The following TMEM40 variants were observed in gnomAD, a reference collection of about 807,000 sequenced individuals.
The protein encoded by TMEM40 is transmembrane protein 40.
TMEM40 carries 34 observed loss-of-function variants against 40.8 expected under a neutral mutation model. The ratio of observed to expected loss-of-function variants is 0.83; its 90% CI spans 0.63 to 1.11. The LOEUF is 1.11. Among genes scored for constraint, TMEM40 ranks in the 50% least tolerant of loss-of-function variants. The pLI is 0.00. For missense variants in TMEM40, 296 were observed against 280.2 expected (o/e 1.06, Z -0.40); for synonymous variants, 106 against 107.0 (o/e 0.99, Z 0.06).
In TMEM40 at chr3:12,736,943, A is replaced by T. The variant is rs1191335424; in HGVS notation, c.473-108T>A. On this transcript the variant is annotated intron_variant, in intron 8 of 11. Coordinates refer to ENST00000314124, the MANE Select transcript of TMEM40 (RefSeq NM_018306.4). ...ACCCAGGGTGGAGTGCAGTTGTGCGATCCCAGCTCATTGCAGCCTTGAAGT... is the reference window on the plus strand; with the variant it reads ...ACCCAGGGTGGAGTGCAGTTGTGCGTTCCCAGCTCATTGCAGCCTTGAAGT... The T allele has an allele frequency of 2.2e-6, 3 of 1,349,816 alleles. No homozygotes were observed. In the East Asian group the frequency reaches 6.9e-5, roughly 31 times the overall value. The allele number at this position is 1,349,816 out of a possible 1,614,324, so 83.6% of individuals were successfully genotyped here.
At chr3:12,737,480 C>T (rs1244541627) in intron 8 of TMEM40, 1 of 593,444 alleles carries the variant, frequency 1.7e-6, no homozygotes, top group Non-Finnish European at 3.0e-6. Flanking sequence ...ACTCCACTCA[C>T]AAGCTGTAAG....
chr3:12,747,299 T>C (rs1046171617), intron 3 of TMEM40, among the ~76,000 whole-genome samples: 8 of 151,814 alleles, frequency 5.3e-5, no homozygotes, highest in Admixed American at 4.6e-4. Flanking sequence ...AGGATTAGCC[T>C]CCCGGATCCC....
chr3:12,749,676 A>G lies in TMEM40; in HGVS notation c.73+84T>C. ...TTGAGGCCCTGTGCAACGTGAGTTG[A>G]GCAGGGTCTTCTTCTGTCCCTTCTA... On this transcript the variant is annotated intron_variant, in intron 2 of 11. Transcript: ENST00000314124. 3 of 1,258,298 alleles carry G rather than the reference A, an allele frequency of 2.4e-6. No homozygotes were observed. The African/African-American group carries it at 4.5e-5, about 19-fold the overall frequency. The allele number at this position is 1,258,298 out of a possible 1,614,324, so 77.9% of individuals were successfully genotyped here.
intron 8 of TMEM40, 61 bp downstream of exon 8, chr3:12,737,646 T>C: frequency 1.3e-6 from 2 of 1,545,512 alleles, no homozygotes; most frequent in Non-Finnish European, 1.8e-6. Flanking sequence ...ACCAGCTGCA[T>C]TTCACCCCTA....
chr3:12,764,779 T>C (rs968120413), intron 1 of TMEM40, among the ~76,000 whole-genome samples: 1 of 152,196 alleles, frequency 6.6e-6, no homozygotes, highest in Non-Finnish European at 1.5e-5. Context: ...CTGCACCTAC[T>C]TTAAAAGGCA....
At chr3:12,741,231 G>T (rs571950611) in intron 5 of TMEM40, 1 of 152,268 alleles carries the variant, frequency 6.6e-6, no homozygotes, top group African/African-American at 2.4e-5. Flanking sequence ...AGTCCTGGGC[G>T]TCCTTCCCAT....
chr3:12,752,936 T>G (rs2061489995), intron 1 of TMEM40, among the ~76,000 whole-genome samples: 1 of 152,184 alleles, frequency 6.6e-6, no homozygotes, highest in Admixed American at 6.5e-5. Flanking sequence ...CTCAGGACCC[T>G]GACACTGGCA....
In TMEM40 at chr3:12,735,640, G is replaced by T. The variant is rs1278388738; in HGVS notation, c.620-23C>A. On this transcript the variant is annotated intron_variant, in intron 10 of 11. Transcript: ENST00000314124. Reference sequence around the variant, plus strand: ...ACACTGCTCAGAAGCAAAGAAAAAAGTAAGTTAAGTTTGTGCCCCAACAAG... The same window carrying T: ...ACACTGCTCAGAAGCAAAGAAAAAATTAAGTTAAGTTTGTGCCCCAACAAG... The T allele has an allele frequency of 3.1e-6, 5 of 1,606,606 alleles. No homozygotes were observed. The South Asian group carries it at 4.5e-5, about 14-fold the overall frequency.
rs552765869 is a variant in TMEM40 at position 12,767,468 on chromosome 3, T to C, written c.-9+1783A>G. 5.9e-5 allele frequency among the ~76,000 whole-genome samples: 9 copies of C among 152,278 alleles called. No homozygotes were observed. The South Asian group carries it at 1.7e-3, about 28-fold the overall frequency. On this transcript the variant is annotated intron_variant, in intron 1 of 11. Transcript: ENST00000264728. The stretch of plus-strand genomic sequence containing the variant: ...GTCAGGAGCTTCGGTTCACCTTCTC[T>C]ACGGTCAAGTATGAGCTCTGAGGTC...
At chr3:12,749,523 G>A (rs543957985) in intron 2 of TMEM40, among the ~76,000 whole-genome samples, 1 of 152,322 alleles carries the variant, frequency 6.6e-6, no homozygotes, top group South Asian at 2.1e-4. Context: ...CAAGCCCCCA[G>A]AGAATTCTTG....
intron 1 of TMEM40, among the ~76,000 whole-genome samples, chr3:12,753,211 C>CTTTTTTTTTTTTTTTTTTTTTTT (rs56739791): frequency 1.0e-3 from 76 of 76,306 alleles, no homozygotes; most frequent in Admixed American, 1.1e-3. Flanking sequence ...TTCTTTCTTT[C>CTTTTTTTTTTTTTTTTTTTTTTT]TTTTTTTTTT....
intron 3 of TMEM40, 83 bp downstream of exon 3, chr3:12,748,572 C>A: frequency 5.9e-6 from 9 of 1,527,474 alleles, no homozygotes; most frequent in South Asian, 1.3e-5. Flanking sequence ...TCAAGTACTT[C>A]AATGACTTCA....
chr3:12,755,791 G>A (rs61207932), intron 1 of TMEM40, among the ~76,000 whole-genome samples: 13,444 of 152,192 alleles, frequency 0.088, 608 homozygotes, highest in Middle Eastern at 0.11. Context: ...TTGTGGCCAC[G>A]TCTTCCTTTT....
rs1221154942 is a variant in TMEM40 at position 12,734,609 on chromosome 3, G to A, written c.*165C>T. ...CTGCCCAAATGAGATGCCCCTGCCC[G>A]GGCTGGTGCCAACATTCAGACCACA... On this transcript the variant is annotated 3_prime_UTR_variant, in exon 12 of 12. Transcript: ENST00000314124. The A allele has an allele frequency of 4.1e-5, 32 of 779,174 alleles. No individual in the cohort carries two copies. In the Admixed American group the frequency reaches 6.1e-4, roughly 15 times the overall value. The allele number at this position is 779,174 out of a possible 1,614,324, so 48.3% of individuals were successfully genotyped here.
upstream of TMEM40, among the ~76,000 whole-genome samples, chr3:12,763,141 CAG>C (rs1162680720): frequency 8.6e-6 from 1 of 115,848 alleles, no homozygotes; most frequent in Non-Finnish European, 1.6e-5. Context: ...GCCTGGGCGA[CAG>C]AGTGAGACTC....
chr3:12,747,450 G>C (rs2061438103), intron 3 of TMEM40, among the ~76,000 whole-genome samples: 1 of 152,160 alleles, frequency 6.6e-6, no homozygotes, highest in African/African-American at 2.4e-5. Flanking sequence ...TGAGAATTGA[G>C]TTATTACATG....
chr3:12,752,456 G>A (rs186907914), intron 1 of TMEM40, among the ~76,000 whole-genome samples: 5 of 152,284 alleles, frequency 3.3e-5, no homozygotes, highest in Middle Eastern at 3.4e-3. Context: ...CACTAGGGCC[G>A]TGCCCATTTT....
At chr3:12,738,244 C>CT in intron 6 of TMEM40, 76 bp from the exon 7 acceptor site, 1 of 1,527,364 alleles carries the variant, frequency 6.5e-7, no homozygotes, top group Non-Finnish European at 9.0e-7. Context: ...CTGGGGAAGG[C>CT]TATAGGTGAC....
At chr3:12,767,998 G>C (rs1006915634) in intron 1 of TMEM40, among the ~76,000 whole-genome samples, 1 of 152,156 alleles carries the variant, frequency 6.6e-6, no homozygotes, top group Non-Finnish European at 1.5e-5. Flanking sequence ...AGTGTGTCTG[G>C]AATTGGTGGG....
Sources: allele counts gnomAD v4.1 joint callset (sites outside exome capture counted in the v4.1 genomes callset), GRCh38; gene constraint gnomAD v4.1.1; transcripts MANE v1.5; gene names NCBI Gene and HGNC (gene_info 2026-07-23, HGNC 2026-07-21).